DUSP22: variants seen among roughly 807,000 people sequenced by gnomAD.
DUSP22 encodes the protein dual specificity protein phosphatase 22.
DUSP22 carries 24 observed loss-of-function variants against 24.5 expected under a neutral mutation model. That is an observed-to-expected ratio of 0.98 (90% CI 0.71 to 1.38). The LOEUF (loss-of-function observed/expected upper bound fraction) is 1.38, where lower values mean the gene tolerates loss of function less well. Ranked by LOEUF, DUSP22 falls within the 40% of genes most tolerant of loss-of-function variation. The pLI is 0.00. For synonymous variants in DUSP22, 160 were observed against 106.4 expected (o/e 1.50, Z -3.10); for missense variants, 330 against 269.2 (o/e 1.23, Z -1.58).
intron 2 of DUSP22, among the ~76,000 whole-genome samples, chr6:306,406 C>G (rs746308): frequency 6.6e-6 from 1 of 152,124 alleles, no homozygotes; most frequent in Admixed American, 6.6e-5. Flanking sequence ...ACACTACAAG[C>G]TATACCTGTT....
intron 1 of DUSP22, 107 bp downstream of exon 1, chr6:292,667 G>A: frequency 6.9e-7 from 1 of 1,447,932 alleles, no homozygotes; most frequent in Non-Finnish European, 9.2e-7. Flanking sequence ...CTTTCCCGCG[G>A]TGGGGACGGG....
chr6:349,115 C>A lies in DUSP22; in HGVS notation c.*164C>A. On this transcript the variant is annotated 3_prime_UTR_variant, in exon 7 of 7. Coordinates refer to ENST00000419235, the MANE Select transcript of DUSP22 (RefSeq NM_001286555.3). The stretch of plus-strand genomic sequence containing the variant: ...CAACACCGCCCAGCCCTGCTCCAGG[C>A]CCCTGCACTCCGCCCACCCCTACCC... 1 of 1,443,834 alleles carries A rather than the reference C, an allele frequency of 6.9e-7. No homozygotes were observed. The highest frequency in any genetic ancestry group is 9.0e-7 in the Non-Finnish European group (1 of 1,105,516). 89.4% of individuals were successfully genotyped at this position (1,443,834 alleles called of 1,614,324 possible).
chr6:329,433 C>T (rs372143575), intron 3 of DUSP22, among the ~76,000 whole-genome samples: 76 of 152,378 alleles, frequency 5.0e-4, no homozygotes, highest in South Asian at 8.3e-4. Flanking sequence ...CTGAACTGTA[C>T]GCCTTAAATG....
chr6:330,711 T>G (rs1349862577), intron 3 of DUSP22, among the ~76,000 whole-genome samples: 1 of 152,310 alleles, frequency 6.6e-6, no homozygotes, highest in Non-Finnish European at 1.5e-5. Flanking sequence ...AGCTCTGGTT[T>G]GAAGAGCCGC....
chr6:333,651 G>A (rs1198704231), intron 3 of DUSP22, among the ~76,000 whole-genome samples: 1 of 152,300 alleles, frequency 6.6e-6, no homozygotes, highest in Non-Finnish European at 1.5e-5. Flanking sequence ...ATGGAGAACA[G>A]GTTTTAGGCT....
intron 4 of DUSP22, among the ~76,000 whole-genome samples, chr6:338,551 T>A (rs1263282744): frequency 6.6e-6 from 1 of 152,310 alleles, no homozygotes; most frequent in African/African-American, 2.4e-5. Flanking sequence ...ATATTCGTAT[T>A]TCTCTAGTTA....
intron 3 of DUSP22, among the ~76,000 whole-genome samples, chr6:319,280 T>G (rs1356436286): frequency 2.0e-5 from 3 of 152,306 alleles, no homozygotes; most frequent in East Asian, 3.8e-4. Flanking sequence ...TAGATTTCAT[T>G]TGAATGTTCA....
intron 4 of DUSP22, among the ~76,000 whole-genome samples, chr6:337,549 G>C (rs1460216971): frequency 6.6e-6 from 1 of 152,300 alleles, no homozygotes; most frequent in Non-Finnish European, 1.5e-5. Context: ...AGGTCTCGTG[G>C]GTCAGTTCAG....
intron 3 of DUSP22, among the ~76,000 whole-genome samples, chr6:316,261 A>C (rs1197302356): frequency 6.6e-6 from 1 of 152,298 alleles, no homozygotes; most frequent in Admixed American, 6.5e-5. Flanking sequence ...CCTGCCAGCC[A>C]TAGCCCTTCA....
chr6:322,499 A>G (rs1435039485), intron 3 of DUSP22, among the ~76,000 whole-genome samples: 2 of 152,298 alleles, frequency 1.3e-5, no homozygotes, highest in Non-Finnish European at 2.9e-5. Context: ...CACAGATTCC[A>G]ACCCAAGAAG....
chr6:348,738 G>A (rs372339613), intron 6 of DUSP22, 31 bp from the exon 7 acceptor site: 23 of 1,613,632 alleles, frequency 1.4e-5, no homozygotes, highest in Middle Eastern at 1.6e-4. Flanking sequence ...ACATGTGTGT[G>A]ACGTTTCGGG....
At chr6:331,654 T>C (rs566669388) in intron 3 of DUSP22, among the ~76,000 whole-genome samples, 1 of 152,312 alleles carries the variant, frequency 6.6e-6, no homozygotes. Context: ...ACTGGGGGAC[T>C]CATGCTGCTT....
chr6:311,819 A>C, intron 2 of DUSP22, 61 bp from the exon 3 acceptor site: 1 of 1,506,932 alleles, frequency 6.6e-7, no homozygotes, highest in Non-Finnish European at 9.0e-7. Context: ...TTCTGGCTAG[A>C]CTTTAGGAGT....
chr6:349,983 T>G lies in DUSP22; in HGVS notation c.*1032T>G. On this transcript the variant is annotated 3_prime_UTR_variant, in exon 7 of 7. Coordinates refer to ENST00000419235, the MANE Select transcript of DUSP22 (RefSeq NM_001286555.3). ...AACATTTGCATGCACCTGCAAGAAT[T>G]GGGAAGAAAGAGCATTTATTAGGCA... 1 of 985,742 alleles carries G rather than the reference T, an allele frequency of 1.0e-6. No individual in the cohort carries two copies. Among genetic ancestry groups the G allele is most frequent in the South Asian group, 4.7e-5 (1 of 21,298 alleles). 61.1% of individuals were successfully genotyped at this position (985,742 alleles called of 1,614,324 possible).
In DUSP22 at chr6:350,475, A is replaced by C; in HGVS notation, c.*1524A>C. 8.5e-7 allele frequency: 1 copy of C among 1,175,712 alleles called. No individual in the cohort carries two copies. 72.8% of individuals were successfully genotyped at this position (1,175,712 alleles called of 1,614,324 possible). A position where few individuals can be genotyped will look rare whatever the true frequency, so the allele number is the denominator to read the frequency against. Reference sequence around the variant, plus strand: ...AATTCCACCACAAAAAGAGACCCTGAATAAGAAGAGCAGTTTTCCTGTGCA... The same window carrying C: ...AATTCCACCACAAAAAGAGACCCTGCATAAGAAGAGCAGTTTTCCTGTGCA... On this transcript the variant is annotated 3_prime_UTR_variant, in exon 7 of 7. Transcript: ENST00000419235.
chr6:298,625 C>T (rs1055000636), intron 1 of DUSP22, among the ~76,000 whole-genome samples: 1 of 152,308 alleles, frequency 6.6e-6, no homozygotes, highest in Non-Finnish European at 1.5e-5. Context: ...GAGGAACCAT[C>T]AAGCGTGGAG....
chr6:306,015 CAG>C (rs536638369), intron 2 of DUSP22, among the ~76,000 whole-genome samples: 4 of 152,308 alleles, frequency 2.6e-5, no homozygotes, highest in Non-Finnish European at 5.9e-5. Flanking sequence ...GAATTGAGCA[CAG>C]AGAGCTGACA....
chr6:328,674 G>A (rs1017638148), intron 3 of DUSP22, among the ~76,000 whole-genome samples: 1 of 152,306 alleles, frequency 6.6e-6, no homozygotes, highest in Non-Finnish European at 1.5e-5. Context: ...AGAATCAGTG[G>A]CAAATGGGTG....
intron 3 of DUSP22, among the ~76,000 whole-genome samples, chr6:329,918 C>A (rs903315640): frequency 6.7e-6 from 1 of 149,154 alleles, no homozygotes; most frequent in Non-Finnish European, 1.5e-5. Flanking sequence ...GCTTTTAATT[C>A]TTTTTTTTTT....
Sources: allele counts gnomAD v4.1 joint callset (sites outside exome capture counted in the v4.1 genomes callset), GRCh38; gene constraint gnomAD v4.1.1; transcripts MANE v1.5; gene names NCBI Gene and HGNC (gene_info 2026-07-23, HGNC 2026-07-21).